The following LRRC4C variants were observed in gnomAD, a reference collection of about 807,000 sequenced individuals.
The protein encoded by LRRC4C is leucine-rich repeat-containing protein 4C.
Under a neutral mutation model 33.6 loss-of-function variants are expected in LRRC4C, and 5 were observed. That is an observed-to-expected ratio of 0.15 (90% CI 0.08 to 0.31). LRRC4C has a LOEUF of 0.31. LRRC4C is among the 10% of genes least tolerant of loss of function. The pLI is 1.00. For synonymous variants in LRRC4C, 329 were observed against 302.0 expected, an observed-to-expected ratio of 1.09 and a Z score of -0.93; for missense variants, 560 against 796.7, an observed-to-expected ratio of 0.70 and a Z score of 3.58.
chr11:40,552,306 G>T (rs539502087), intron 3 of LRRC4C, among the ~76,000 whole-genome samples: 3 of 152,330 alleles, frequency 2.0e-5, no homozygotes, highest in Admixed American at 6.5e-5. Flanking sequence ...GAGAGGTTAA[G>T]GAACTGGCTT....
At chr11:40,636,212 A>G (rs10837452) in intron 3 of LRRC4C, among the ~76,000 whole-genome samples, 28,855 of 152,016 alleles carry the variant, frequency 0.19, 2,829 homozygotes, top group Non-Finnish European at 0.2. Flanking sequence ...CTCCCACTGG[A>G]CATCTATCTC....
At chr11:41,408,746 GTA>G (rs1491233586) in intron 1 of LRRC4C, among the ~76,000 whole-genome samples, 1 of 33,642 alleles carries the variant, frequency 3.0e-5, no homozygotes, top group Non-Finnish European at 4.8e-5. Context: ...GTATATTTTT[GTA>G]AAAAAAAAAA....
intron 1 of LRRC4C, among the ~76,000 whole-genome samples, chr11:41,322,021 T>C (rs1371873909): frequency 2.6e-5 from 4 of 151,970 alleles, no homozygotes; most frequent in African/African-American, 9.7e-5. Flanking sequence ...CCTGCCACCA[T>C]GCCTGGCTAA....
At chr11:40,197,681 G>C (rs746748806) in intron 5 of LRRC4C, among the ~76,000 whole-genome samples, 5 of 152,098 alleles carry the variant, frequency 3.3e-5, no homozygotes, top group Non-Finnish European at 7.4e-5. Context: ...GCTTATCTCT[G>C]ATTTCTAACA....
intron 3 of LRRC4C, among the ~76,000 whole-genome samples, chr11:40,483,829 ATAGT>A (rs1200955344): frequency 2.6e-5 from 4 of 151,394 alleles, no homozygotes; most frequent in Non-Finnish European, 4.4e-5. Context: ...ACATATATAT[ATAGT>A]TATTTTTGTG....
At position 40,559,646 on chromosome 11, in the gene LRRC4C, G is replaced by A. The variant is rs114947191; in HGVS notation, c.-270+88496C>T. 9.3e-3 allele frequency among the ~76,000 whole-genome samples: 1,417 copies of A among 152,264 alleles called. 25 individuals are homozygous for A. The highest frequency in any genetic ancestry group is 0.031 in the African/African-American group (1,308 of 41,542). On this transcript the variant is annotated intron_variant, in intron 3 of 6. Coordinates refer to ENST00000528697, the MANE Select transcript of LRRC4C (RefSeq NM_001258419.2). Reference sequence around the variant, plus strand: ...TTACACTAGAACCAACAGTGTGTAAGTGTTCCCTTTTCTCTGCAGCCTTAA... The same window carrying A: ...TTACACTAGAACCAACAGTGTGTAAATGTTCCCTTTTCTCTGCAGCCTTAA...
chr11:40,696,041 A>ATGTGTGTG lies in LRRC4C; in HGVS notation c.-406-47771_-406-47764dup, dbSNP rs567120072. Among the ~76,000 whole-genome samples the ATGTGTGTG allele has an allele frequency of 2.5e-3, 354 of 143,970 alleles. 1 individual carries two copies. The highest frequency in any genetic ancestry group is 8.9e-3 in the African/African-American group (335 of 37,782). The allele number at this position is 143,970 out of a possible 152,430, so 94.4% of individuals were successfully genotyped here. A position where few individuals can be genotyped will look rare whatever the true frequency, so the allele number is the denominator to read the frequency against. Reference sequence around the variant, plus strand: ...ATGTGGTGTGTGTGTGTATATATATATGTGTGTGTGTGTGTGTGTATATAT... The same window carrying ATGTGTGTG: ...ATGTGGTGTGTGTGTGTATATATATATGTGTGTGTGTGTGTGTGTGTGTGTGTATATAT... On this transcript the variant is annotated intron_variant, in intron 2 of 6. Coordinates refer to ENST00000528697, the MANE Select transcript of LRRC4C (RefSeq NM_001258419.2).
At chr11:40,388,606 G>T (rs1367221799) in intron 3 of LRRC4C, among the ~76,000 whole-genome samples, 1 of 152,150 alleles carries the variant, frequency 6.6e-6, no homozygotes, top group Non-Finnish European at 1.5e-5. Context: ...CAGCATCATC[G>T]TGTGAGTAAG....
intron 5 of LRRC4C, among the ~76,000 whole-genome samples, chr11:40,212,093 T>C (rs1391307083): frequency 6.6e-6 from 1 of 152,218 alleles, no homozygotes; most frequent in Non-Finnish European, 1.5e-5. Flanking sequence ...ATATCTTAAA[T>C]TATTCTAAGA....
chr11:40,244,043 T>A (rs973634882), intron 4 of LRRC4C, among the ~76,000 whole-genome samples: 1 of 152,072 alleles, frequency 6.6e-6, no homozygotes. Context: ...GTGTTCATCA[T>A]GTCTCATGTG....
Position 40,956,949 on chromosome 11 carries a change from C to G in LRRC4C, c.-495-23226G>C, listed in dbSNP as rs149107047. The stretch of plus-strand genomic sequence containing the variant: ...GATAGCTCAGTTTGTTTTTTGGTTC[C>G]CAGTGCATAAAGGGAACTCAGAGGC... On this transcript the variant is annotated intron_variant, in intron 1 of 6. Coordinates refer to ENST00000528697, the MANE Select transcript of LRRC4C (RefSeq NM_001258419.2). 1.5e-4 allele frequency among the ~76,000 whole-genome samples: 23 copies of G among 151,646 alleles called. No individual in the cohort carries two copies. The East Asian group carries it at 3.7e-3, about 24-fold the overall frequency.
At chr11:40,199,865 C>T (rs1052102396) in intron 5 of LRRC4C, among the ~76,000 whole-genome samples, 10 of 152,024 alleles carry the variant, frequency 6.6e-5, no homozygotes, top group African/African-American at 2.4e-4. Flanking sequence ...CTTGTTTAAA[C>T]CTCACAAGAA....
intron 2 of LRRC4C, among the ~76,000 whole-genome samples, chr11:40,665,367 T>C (rs866789854): frequency 3.0e-5 from 1 of 33,004 alleles, no homozygotes; most frequent in Admixed American, 4.4e-4. Flanking sequence ...TATATATGTA[T>C]ATATATATAT....
Position 40,997,010 on chromosome 11 carries a change from C to T in LRRC4C, c.-495-63287G>A, listed in dbSNP as rs182903711. ...ATCACCCCAAGTGGGGTATAAAGTTCGGTGTTAGGCCTGCTGAGTTGCAGA... is the reference window on the plus strand; with the variant it reads ...ATCACCCCAAGTGGGGTATAAAGTTTGGTGTTAGGCCTGCTGAGTTGCAGA... On this transcript the variant is annotated intron_variant, in intron 1 of 6. Coordinates refer to ENST00000528697, the MANE Select transcript of LRRC4C (RefSeq NM_001258419.2). Among the ~76,000 whole-genome samples the T allele has an allele frequency of 2.3e-4, 35 of 152,038 alleles. No individual in the cohort carries two copies. The East Asian group carries it at 6.0e-3, about 26-fold the overall frequency.
At chr11:40,605,622 A>T (rs765348690) in intron 3 of LRRC4C, among the ~76,000 whole-genome samples, 1 of 152,196 alleles carries the variant, frequency 6.6e-6, no homozygotes, top group Non-Finnish European at 1.5e-5. Context: ...AGAAAAGAAA[A>T]GACAGAAACA....
intron 4 of LRRC4C, among the ~76,000 whole-genome samples, chr11:40,311,393 G>A (rs1194147180): frequency 1.3e-5 from 2 of 152,118 alleles, no homozygotes; most frequent in South Asian, 2.1e-4. Flanking sequence ...GTGGCATAAT[G>A]TACATGTTCA....
At chr11:40,155,337 G>C (rs1858595608) in intron 5 of LRRC4C, among the ~76,000 whole-genome samples, 1 of 151,772 alleles carries the variant, frequency 6.6e-6, no homozygotes, top group African/African-American at 2.4e-5. Context: ...AAACCCAACA[G>C]AAGGAAGGAA....
chr11:40,439,445 A>G (rs1951290529), intron 3 of LRRC4C, among the ~76,000 whole-genome samples: 1 of 150,354 alleles, frequency 6.7e-6, no homozygotes, highest in Admixed American at 6.7e-5. Context: ...GAATAAATTA[A>G]TCCATTTATT....
Position 41,044,974 on chromosome 11 carries a change from C to A in LRRC4C, c.-495-111251G>T, listed in dbSNP as rs118011453. The stretch of plus-strand genomic sequence containing the variant: ...TTTCTCTTCAATAAGTAATCCTGAG[C>A]CCTTTTTGTAGTTCATTAACATTCA... On this transcript the variant is annotated intron_variant, in intron 1 of 6. Transcript: ENST00000528697. Among the ~76,000 whole-genome samples, 114 of 152,106 alleles carry A rather than the reference C, an allele frequency of 7.5e-4. 1 individual carries two copies. In the East Asian group the frequency reaches 0.018, roughly 24 times the overall value.
Sources: gnomAD v4.1 joint callset for allele counts (sites outside exome capture counted in the v4.1 genomes callset) on GRCh38, gnomAD v4.1.1 for gene constraint, MANE v1.5 for transcripts, NCBI Gene and HGNC (gene_info 2026-07-23, HGNC 2026-07-21) for gene names.